TGFB1: variants seen among roughly 807,000 people sequenced by gnomAD.
TGFB1 encodes transforming growth factor beta-1 proprotein.
TGFB1 carries 19 observed loss-of-function variants against 43.8 expected under a neutral mutation model. The ratio of observed to expected loss-of-function variants is 0.43; its 90% CI spans 0.30 to 0.64. The LOEUF (loss-of-function observed/expected upper bound fraction) is 0.64, where lower values mean the gene tolerates loss of function less well. TGFB1 is among the 30% of genes least tolerant of loss of function. The pLI is 0.11. For synonymous variants in TGFB1, 221 were observed against 236.3 expected, an observed-to-expected ratio of 0.94 and a Z score of 0.60; for missense variants, 445 against 529.8, an observed-to-expected ratio of 0.84 and a Z score of 1.57.
At chr19:41,338,203 CAAAG>C (rs973954278) in intron 5 of TGFB1, among the ~76,000 whole-genome samples, 10 of 139,132 alleles carry the variant, frequency 7.2e-5, no homozygotes, top group Non-Finnish European at 1.4e-4. Context: ...AAAAAAAAAA[CAAAG>C]AATACGGCCG....
At position 41,331,005 on chromosome 19, in the gene TGFB1, C is replaced by CG. The variant is rs2037922459; in HGVS notation, c.*46dup. ...CATGGGCAAGGCAGCGGGGGCGGGG[C>CG]GGGGTGGGGCCGGGCCTGCCGGGGC... On this transcript the variant is annotated 3_prime_UTR_variant, in exon 7 of 7. Transcript: ENST00000221930. 1.7e-5 allele frequency: 16 copies of CG among 936,830 alleles called. No homozygotes were observed. The highest frequency in any genetic ancestry group is 5.1e-5 in the African/African-American group (1 of 19,718). The allele number at this position is 936,830 out of a possible 1,614,324, so 58.0% of individuals were successfully genotyped here. A position where few individuals can be genotyped will look rare whatever the true frequency, so the allele number is the denominator to read the frequency against.
chr19:41,344,056 C>T lies in TGFB1; in HGVS notation c.634+691G>A, dbSNP rs147233612. On this transcript the variant is annotated intron_variant, in intron 3 of 6. Transcript: ENST00000221930. Reference sequence around the variant, plus strand: ...GGATTGCAGTAGTGTGATTATGACTCACTGCAGCCTCGACCTCCCAGGCTC... The same window carrying T: ...GGATTGCAGTAGTGTGATTATGACTTACTGCAGCCTCGACCTCCCAGGCTC... Among the ~76,000 whole-genome samples, 267 of 145,472 alleles carry T rather than the reference C, an allele frequency of 1.8e-3. 2 individuals carry two copies. The highest frequency in any genetic ancestry group is 0.015 in the East Asian group (73 of 4,834).
chr19:41,347,827 CAAAAAAAAAAAA>C (rs58257608), intron 2 of TGFB1, among the ~76,000 whole-genome samples: 1 of 65,688 alleles, frequency 1.5e-5, no homozygotes, highest in Non-Finnish European at 2.9e-5. Flanking sequence ...GACTCCATCT[CAAAAAAAAAAAA>C]AAAAAAAAAA....
chr19:41,332,798 G>T (rs2037947943), intron 5 of TGFB1, among the ~76,000 whole-genome samples: 1 of 152,216 alleles, frequency 6.6e-6, no homozygotes, highest in Non-Finnish European at 1.5e-5. Flanking sequence ...GAGTCGAGGA[G>T]TTCGAGGTTG....
At position 41,352,981 on chromosome 19, in the gene TGFB1, T is replaced by G. The variant is rs1487759091; in HGVS notation, c.64A>C (p.Thr22Pro). The G allele has an allele frequency of 1.9e-6, 3 of 1,541,216 alleles. No individual in the cohort carries two copies. In the African/African-American group the frequency reaches 4.1e-5, roughly 21 times the overall value. Residue 22 changes from threonine (T) to proline (P), a missense_variant, in exon 1 of 7, where the codon ACG becomes CCG. Thr to Pro is a conservative substitution (Grantham distance 38, BLOSUM62 -1). This residue lies in a region of TGFB1 where 366 missense variants were observed against 428.8 expected (regional missense o/e 0.85). Transcript: ENST00000221930. ...LLPLLWLLVLTPGRPAAGLST... is the reference protein window; with the variant it reads ...LLPLLWLLVLPPGRPAAGLST... ...AGTCCCGCGGCCGGCCGGCCAGGCG[T>G]CAGCACCAGTAGCCACAGCAGCGGT... is the stretch of plus-strand genomic sequence containing the variant.
At chr19:41,344,900 T>C in intron 2 of TGFB1, 36 bp from the exon 3 acceptor site, 8 of 1,535,808 alleles carry the variant, frequency 5.2e-6, no homozygotes, top group Non-Finnish European at 7.1e-6. Flanking sequence ...AGACAGTGGG[T>C]AGATGGTGTC....
chr19:41,345,379 C>T (rs766930018), intron 2 of TGFB1, among the ~76,000 whole-genome samples: 6 of 151,610 alleles, frequency 4.0e-5, no homozygotes, highest in Non-Finnish European at 8.8e-5. Context: ...CGCCTGTAGT[C>T]GCCACTATTT....
At chr19:41,343,064 G>A (rs1202132658) in intron 3 of TGFB1, among the ~76,000 whole-genome samples, 3 of 151,994 alleles carry the variant, frequency 2.0e-5, no homozygotes, top group Non-Finnish European at 4.4e-5. Flanking sequence ...CTCCTTCTAG[G>A]CCTTTGTCGA....
intron 2 of TGFB1, among the ~76,000 whole-genome samples, chr19:41,345,570 A>G (rs2038106791): frequency 6.6e-6 from 1 of 152,050 alleles, no homozygotes; most frequent in South Asian, 2.1e-4. Flanking sequence ...GGTTCTGCAA[A>G]TTTGACACCC....
intron 2 of TGFB1, among the ~76,000 whole-genome samples, chr19:41,347,021 T>A (rs898563383): frequency 6.6e-6 from 1 of 151,824 alleles, no homozygotes; most frequent in Non-Finnish European, 1.5e-5. Context: ...CCACCACGCC[T>A]GGCCTATATA....
intron 5 of TGFB1, 95 bp from the exon 6 acceptor site, chr19:41,332,376 G>GC (rs1336221305): frequency 3.3e-5 from 48 of 1,433,740 alleles, no homozygotes; most frequent in African/African-American, 5.6e-5. Context: ...ACCCTAGGTT[G>GC]CCCCCCCAGC....
At chr19:41,348,243 G>T in intron 2 of TGFB1, 52 bp downstream of exon 2, 3 of 1,605,398 alleles carry the variant, frequency 1.9e-6, no homozygotes, top group Non-Finnish European at 2.5e-6. Context: ...CTTGGTCACA[G>T]CTCACCCTCT....
intron 5 of TGFB1, among the ~76,000 whole-genome samples, chr19:41,338,078 G>A (rs1272775708): frequency 6.6e-6 from 1 of 151,288 alleles, no homozygotes; most frequent in African/African-American, 2.4e-5. Context: ...TGAAATCACA[G>A]CTATTTGGGA....
chr19:41,344,978 C>T (rs2038099893), intron 2 of TGFB1, 114 bp from the exon 3 acceptor site: 4 of 973,854 alleles, frequency 4.1e-6, no homozygotes, highest in Non-Finnish European at 6.4e-6. Context: ...CCAGAAAGTT[C>T]CCAGGCACTA....
At position 41,341,968 on chromosome 19, in the gene TGFB1, G is replaced by A; in HGVS notation, c.775C>T (p.Leu259Phe). Residue 259 changes from leucine to phenylalanine, a missense_variant, in exon 5 of 7, where the codon CTT becomes TTT. By Grantham distance (22) the Leu-to-Phe change is conservative. This residue lies in a region of TGFB1 where 366 missense variants were observed against 428.8 expected (regional missense o/e 0.85). Coordinates refer to ENST00000221930, the MANE Select transcript of TGFB1 (RefSeq NM_000660.7). The part of the protein sequence containing the change: ...TIHGMNRPFL[L>F]LMATPLERAQ... ...CTCTCCAGCGGGGTGGCCATGAGAAGCAGGAAAGGCCGGTTCATGCCATGA... is the reference window on the plus strand; with the variant it reads ...CTCTCCAGCGGGGTGGCCATGAGAAACAGGAAAGGCCGGTTCATGCCATGA... The A allele has an allele frequency of 6.2e-7, 1 of 1,614,220 alleles. No homozygotes were observed. The highest frequency in any genetic ancestry group is 8.5e-7 in the Non-Finnish European group (1 of 1,180,046).
At chr19:41,335,896 G>A (rs1425198354) in intron 5 of TGFB1, among the ~76,000 whole-genome samples, 2 of 184 alleles carry the variant, frequency 0.011, no homozygotes, top group South Asian at 0.14. Context: ...AGGGCCCCAG[G>A]GGAGCCCAGA....
At position 41,353,040 on chromosome 19, in the gene TGFB1, G is replaced by C. The variant is rs1371023201; in HGVS notation, c.5C>G (p.Pro2Arg). 1.3e-6 allele frequency: 2 copies of C among 1,527,036 alleles called. No homozygotes were observed. The highest frequency in any genetic ancestry group is 2.8e-5 in the African/African-American group (2 of 72,382). 94.6% of individuals were successfully genotyped at this position (1,527,036 alleles called of 1,614,324 possible). ...CGGCAGCAGCCGCAGCCCGGAGGGC[G>C]GCATGGGGGAGGCGGCGCCCCCCGG... M[P>R]PSGLRLLPLL... Residue 2 changes from proline (P) to arginine (R), a missense_variant, in exon 1 of 7, where the codon CCG becomes CGG. By Grantham distance (103) the Pro-to-Arg change is moderately radical. Transcript: ENST00000221930. This position sits in a 1 kb window ranked among gnomAD's most constrained non-coding sequence, Gnocchi z 5.9.
At chr19:41,337,032 A>G (rs1374257198) in intron 5 of TGFB1, among the ~76,000 whole-genome samples, 2 of 151,668 alleles carry the variant, frequency 1.3e-5, no homozygotes, top group Non-Finnish European at 2.9e-5. Context: ...ATCTCGGGTC[A>G]CTGCAACCTG....
rs1208060460 is a variant in TGFB1 at position 41,353,397 on chromosome 19, T to G, written c.-353A>C. Reference sequence around the variant, plus strand: ...GGGGATGAAGGCGGCGTGCAGGGGGTGCGCCCGAGGTCTGGGGAAAAGTCT... The same window carrying G: ...GGGGATGAAGGCGGCGTGCAGGGGGGGCGCCCGAGGTCTGGGGAAAAGTCT... On this transcript the variant is annotated 5_prime_UTR_variant, in exon 1 of 7. Transcript: ENST00000221930. The surrounding 1 kb of genome is among the most constrained non-coding windows in gnomAD (Gnocchi z 5.9). The G allele has an allele frequency of 4.4e-6, 1 of 228,962 alleles. No homozygotes were observed. The highest frequency in any genetic ancestry group is 8.5e-6 in the Non-Finnish European group (1 of 117,628). The allele number at this position is 228,962 out of a possible 1,614,324, so 14.2% of individuals were successfully genotyped here. A position where few individuals can be genotyped will look rare whatever the true frequency, so the allele number is the denominator to read the frequency against.
Sources: allele counts gnomAD v4.1 joint callset (sites outside exome capture counted in the v4.1 genomes callset), GRCh38; gene constraint gnomAD v4.1.1; regional missense constraint gnomAD v4.1.1; non-coding constraint Gnocchi (gnomAD v3.1); transcripts MANE v1.5; gene names NCBI Gene and HGNC (gene_info 2026-07-23, HGNC 2026-07-21).